Variants in CHRM3 observed in about 807,000 individuals in gnomAD.
CHRM3 encodes muscarinic acetylcholine receptor M3.
In CHRM3, 11 loss-of-function variants were observed where a neutral mutation model predicts 41.8. The observed-to-expected ratio is 0.26, with a 90% CI of 0.17 to 0.44. The LOEUF (loss-of-function observed/expected upper bound fraction) is 0.44. Ranked by LOEUF, CHRM3 falls within the 20% of genes least tolerant of loss-of-function variation. The pLI is 1.00. For missense variants in CHRM3, 571 were observed against 745.4 expected (o/e 0.77, Z 2.72); for synonymous variants, 297 against 301.4 (o/e 0.99, Z 0.15).
chr1:239,495,565 G>T (rs902353390), intron 2 of CHRM3, among the ~76,000 whole-genome samples: 7 of 152,036 alleles, frequency 4.6e-5, no homozygotes, highest in Admixed American at 2.0e-4. Flanking sequence ...ATGGAGATTG[G>T]GTGTGGCTTA....
chr1:239,892,947 A>C (rs1678672607), intron 6 of CHRM3, among the ~76,000 whole-genome samples: 1 of 152,204 alleles, frequency 6.6e-6, no homozygotes, highest in Non-Finnish European at 1.5e-5. Context: ...TGAAAATAAA[A>C]AGCAAGCTAG....
intron 1 of CHRM3, among the ~76,000 whole-genome samples, chr1:239,476,359 G>A (rs930879091): frequency 6.6e-6 from 1 of 151,906 alleles, no homozygotes; most frequent in African/African-American, 2.4e-5. Context: ...CCAGCTACTT[G>A]GGGGGCTGAG....
intron 6 of CHRM3, among the ~76,000 whole-genome samples, chr1:239,893,535 A>G (rs1447193819): frequency 6.6e-6 from 1 of 152,146 alleles, no homozygotes; most frequent in Non-Finnish European, 1.5e-5. Context: ...CTTCACCCTT[A>G]AAGTGGAAAT....
At chr1:239,799,061 A>G (rs1487245751) in intron 5 of CHRM3, among the ~76,000 whole-genome samples, 3 of 152,206 alleles carry the variant, frequency 2.0e-5, no homozygotes, top group Non-Finnish European at 4.4e-5. Flanking sequence ...CAGTCCATTA[A>G]AGGAAACACA....
At chr1:239,483,368 G>C (rs1020956498) in intron 1 of CHRM3, among the ~76,000 whole-genome samples, 7 of 152,180 alleles carry the variant, frequency 4.6e-5, no homozygotes, top group African/African-American at 1.2e-4. Flanking sequence ...TAATCATGCT[G>C]TTCTTGGATT....
chr1:239,802,792 T>G (rs1670321269), intron 5 of CHRM3, among the ~76,000 whole-genome samples: 1 of 152,068 alleles, frequency 6.6e-6, no homozygotes, highest in African/African-American at 2.4e-5. Flanking sequence ...GAGATGGGGT[T>G]TCACCATGTT....
At chr1:239,643,751 C>T (rs1407931296) in intron 4 of CHRM3, among the ~76,000 whole-genome samples, 1 of 152,230 alleles carries the variant, frequency 6.6e-6, no homozygotes, top group East Asian at 1.9e-4. Flanking sequence ...CCTGCTTTGG[C>T]TCATGCACGG....
chr1:239,500,132 G>T (rs145022808), intron 2 of CHRM3, among the ~76,000 whole-genome samples: 4 of 152,034 alleles, frequency 2.6e-5, no homozygotes, highest in African/African-American at 9.7e-5. Flanking sequence ...AGCATGAAGG[G>T]TTGTTGAATT....
chr1:239,908,229 A>G lies in CHRM3; in HGVS notation c.778A>G (p.Lys260Glu), dbSNP rs1680119102. Residue 260 changes from lysine (K) to glutamate (E), a missense_variant, in exon 7 of 7, where the codon AAG becomes GAG. Physicochemically the swap from Lys to Glu is moderately conservative, Grantham distance 56. This residue lies in a region of CHRM3 where 153 missense variants were observed against 296.3 expected (regional missense o/e 0.52). Coordinates refer to ENST00000676153, the MANE Select transcript of CHRM3 (RefSeq NM_001375978.1). The surrounding 1 kb of genome is among the most constrained non-coding windows in gnomAD (Gnocchi z 7.2). ...CTGGAGGATCTATAAGGAAACTGAA[A>G]AGCGTACCAAAGAGCTTGCTGGCCT... ...LYWRIYKETE[K>E]RTKELAGLQA... The G allele has an allele frequency of 6.2e-7, 1 of 1,614,064 alleles. No individual in the cohort carries two copies.
At chr1:239,458,832 G>C (rs1446049191) in intron 1 of CHRM3, among the ~76,000 whole-genome samples, 1 of 152,104 alleles carries the variant, frequency 6.6e-6, no homozygotes, top group Non-Finnish European at 1.5e-5. Flanking sequence ...TCAAAACTCT[G>C]AAATAGAACT....
chr1:239,865,349 G>T (rs979183741), intron 6 of CHRM3, among the ~76,000 whole-genome samples: 3 of 152,232 alleles, frequency 2.0e-5, no homozygotes, highest in Non-Finnish European at 4.4e-5. Flanking sequence ...GGGGCATCCA[G>T]GGTATAAGGA....
At chr1:239,646,070 A>C (rs967882738) in intron 4 of CHRM3, among the ~76,000 whole-genome samples, 1 of 152,240 alleles carries the variant, frequency 6.6e-6, no homozygotes, top group Non-Finnish European at 1.5e-5. Context: ...AATGCCTTGA[A>C]AAAAAGAACT....
At chr1:239,841,397 A>T (rs1307985286) in intron 6 of CHRM3, among the ~76,000 whole-genome samples, 1 of 152,160 alleles carries the variant, frequency 6.6e-6, no homozygotes, top group African/African-American at 2.4e-5. Context: ...GTTACCAATG[A>T]TCCAGTGGGA....
intron 5 of CHRM3, among the ~76,000 whole-genome samples, chr1:239,810,279 C>CG (rs772053673): frequency 2.0e-5 from 3 of 152,016 alleles, no homozygotes; most frequent in Non-Finnish European, 2.9e-5. Flanking sequence ...TCAAGGAATG[C>CG]GGGGGGACTT....
intron 6 of CHRM3, among the ~76,000 whole-genome samples, chr1:239,892,032 G>A (rs1678595640): frequency 6.6e-6 from 1 of 152,184 alleles, no homozygotes; most frequent in Non-Finnish European, 1.5e-5. Flanking sequence ...TCAAGTAAGA[G>A]GCTTAGAATT....
intron 1 of CHRM3, among the ~76,000 whole-genome samples, chr1:239,430,885 G>A (rs879439410): frequency 1.6e-4 from 24 of 151,780 alleles, no homozygotes; most frequent in Admixed American, 1.3e-4. Context: ...CATGAAAACA[G>A]AACAATGTCT....
At chr1:239,871,037 CGT>C (rs1418230089) in intron 6 of CHRM3, among the ~76,000 whole-genome samples, 4 of 151,996 alleles carry the variant, frequency 2.6e-5, no homozygotes, top group African/African-American at 9.7e-5. Context: ...CGCTTTGAGA[CGT>C]GTTCCCTGCG....
intron 6 of CHRM3, among the ~76,000 whole-genome samples, chr1:239,830,068 C>T (rs1672774537): frequency 6.6e-6 from 1 of 151,270 alleles, no homozygotes; most frequent in South Asian, 2.1e-4. Context: ...TTAGGATGGA[C>T]TGTTTGTGAA....
chr1:239,500,659 A>G (rs1283399164), intron 2 of CHRM3, among the ~76,000 whole-genome samples: 1 of 152,112 alleles, frequency 6.6e-6, no homozygotes. Flanking sequence ...AAAAGCATAA[A>G]TGACACAGAA....
Sources: allele counts gnomAD v4.1 joint callset (sites outside exome capture counted in the v4.1 genomes callset), GRCh38; gene constraint gnomAD v4.1.1; regional missense constraint gnomAD v4.1.1; non-coding constraint Gnocchi (gnomAD v3.1); transcripts MANE v1.5; gene names NCBI Gene and HGNC (gene_info 2026-07-23, HGNC 2026-07-21).